Variants in WDR86 observed in about 807,000 individuals in gnomAD.
WDR86 encodes the protein WD repeat domain 86.
A neutral mutation model predicts 36.5 loss-of-function variants in WDR86; 30 were observed. The observed-to-expected ratio is 0.82, with a 90% CI of 0.61 to 1.11. The LOEUF (loss-of-function observed/expected upper bound fraction) is 1.11, where lower values mean the gene tolerates loss of function less well. Among genes scored for constraint, WDR86 ranks in the 50% most tolerant of loss-of-function variants. WDR86 has a pLI of 0.00. For synonymous variants in WDR86, 255 were observed against 252.9 expected, an observed-to-expected ratio of 1.01 and a Z score of -0.08; for missense variants, 545 against 561.2, an observed-to-expected ratio of 0.97 and a Z score of 0.29.
In WDR86 at chr7:151,392,825, C is replaced by G. The variant is rs577119258; in HGVS notation, c.726+2951G>C. On this transcript the variant is annotated intron_variant, in intron 3 of 5. Transcript: ENST00000334493. ...CCTAGTGGTCCTGAGAGGCTCACCT[C>G]CACCTCCCAGAACCTTCTGACCAGT... Among the ~76,000 whole-genome samples, 7 of 152,308 alleles carry G rather than the reference C, an allele frequency of 4.6e-5. No homozygotes were observed. The South Asian group carries it at 1.4e-3, about 32-fold the overall frequency.
At chr7:151,369,610 G>C in the WDR86 span, among the ~76,000 whole-genome samples, 4 of 152,134 alleles carry the variant, frequency 2.6e-5, no homozygotes, top group Non-Finnish European at 5.9e-5. Flanking sequence ...TTAGAATTTT[G>C]GAGTTGGAAG....
chr7:151,391,959 TA>T (rs1799470272), intron 3 of WDR86, among the ~76,000 whole-genome samples: 1 of 152,138 alleles, frequency 6.6e-6, no homozygotes, highest in South Asian at 2.1e-4. Context: ...TGTCACTTAG[TA>T]GTTACCTTAG....
chr7:151,375,806 G>A (rs200617112), downstream of WDR86: 1 of 1,315,992 alleles, frequency 7.6e-7, no homozygotes, highest in African/African-American at 1.4e-5. Context: ...AATGTGTGAA[G>A]AGTTCTTAGT....
intron 3 of WDR86, among the ~76,000 whole-genome samples, chr7:151,385,855 G>C (rs1254652896): frequency 6.6e-6 from 1 of 152,176 alleles, no homozygotes; most frequent in African/African-American, 2.4e-5. Flanking sequence ...CGCCAAGATG[G>C]ACGGGAGTAG....
intron 3 of WDR86, among the ~76,000 whole-genome samples, chr7:151,386,167 G>A (rs540559571): frequency 3.5e-4 from 53 of 152,300 alleles, no homozygotes; most frequent in Non-Finnish European, 5.3e-4. Flanking sequence ...TGGGCCCACC[G>A]GCAGGCAGTC....
At chr7:151,399,859 C>G (rs1435879786) in intron 2 of WDR86, among the ~76,000 whole-genome samples, 1 of 152,234 alleles carries the variant, frequency 6.6e-6, no homozygotes, top group Non-Finnish European at 1.5e-5. Flanking sequence ...GGGGAAGCAT[C>G]AGGCTCTGTT....
At chr7:151,381,094 T>C (rs531883378), downstream of WDR86, 4 of 1,185,728 alleles carry the variant, frequency 3.4e-6, no homozygotes, top group African/African-American at 1.6e-5. This position sits in a 1 kb window ranked among gnomAD's most constrained non-coding sequence, Gnocchi z 4.8. Context: ...GAGACTCAGT[T>C]TGCAAAACAA....
chr7:151,381,793 G>T lies in WDR86; in HGVS notation c.967-47C>A. ...TCACCGGTGACGCGGTAGGCGGGGG[G>T]GACACCGCTGCCCGCGTGGATGGAT... is the stretch of plus-strand genomic sequence containing the variant. On this transcript the variant is annotated intron_variant, in intron 5 of 5. Transcript: ENST00000334493. The surrounding 1 kb of genome is among the most constrained non-coding windows in gnomAD (Gnocchi z 4.8). 6.6e-7 allele frequency: 1 copy of T among 1,506,410 alleles called. No individual in the cohort carries two copies. 93.3% of individuals were successfully genotyped at this position (1,506,410 alleles called of 1,614,324 possible). A position where few individuals can be genotyped will look rare whatever the true frequency, so the allele number is the denominator to read the frequency against.
rs1306978898 is a variant in WDR86 at position 151,397,696 on chromosome 7, T to C, written c.306-1500A>G. On this transcript the variant is annotated intron_variant, in intron 2 of 5. Transcript: ENST00000334493. Reference sequence around the variant, plus strand: ...GAAGAGCATAGCGGGAGGAAGAGGGTGTAGTGGGAGGAAGGGCATAGCGGG... The same window carrying C: ...GAAGAGCATAGCGGGAGGAAGAGGGCGTAGTGGGAGGAAGGGCATAGCGGG... Among the ~76,000 whole-genome samples, 223 of 60,658 alleles carry C rather than the reference T, an allele frequency of 3.7e-3. 3 individuals carry two copies. The highest frequency in any genetic ancestry group is 9.2e-3 in the East Asian group (15 of 1,626). The allele number at this position is 60,658 out of a possible 152,430, so 39.8% of individuals were successfully genotyped here.
intron 3 of WDR86, among the ~76,000 whole-genome samples, chr7:151,386,694 C>T (rs1033322096): frequency 8.1e-4 from 123 of 152,292 alleles, no homozygotes; most frequent in African/African-American, 2.8e-3. Flanking sequence ...CTTCCTGAGC[C>T]TGCCGGGCAC....
Position 151,396,109 on chromosome 7 carries a change from C to G in WDR86, c.393G>C (p.Arg131=). 1 of 1,612,856 alleles carries G rather than the reference C, an allele frequency of 6.2e-7. No individual in the cohort carries two copies. The highest frequency in any genetic ancestry group is 8.5e-7 in the Non-Finnish European group (1 of 1,179,880). ...CGCAGTTGCGGTGGCCCCGGAACTC[C>G]CGGGACATCTGCCCCTTGTCCACAC... ...VWSVDKGQMS[R]EFRGHRNCVL... is the part of the protein sequence containing the mutation. Residue 131 remains arginine (R), a synonymous_variant, in exon 3 of 6, where the codon CGG becomes CGC. Coordinates refer to ENST00000334493, the MANE Select transcript of WDR86 (RefSeq NM_198285.3).
chr7:151,377,355 A>G (rs1798350128), downstream of WDR86: 6 of 623,172 alleles, frequency 9.6e-6, no homozygotes, highest in East Asian at 1.9e-4. Context: ...GGGGGTGGGC[A>G]GGGGACAAGT....
Position 151,409,591 on chromosome 7 carries a change from C to T in WDR86, c.-2G>A. On this transcript the variant is annotated 5_prime_UTR_variant, in exon 1 of 6. Transcript: ENST00000334493. The surrounding 1 kb of genome is among the most constrained non-coding windows in gnomAD (Gnocchi z 5.2). ...CAGGGCCGACCCGCCGCCCCCCATC[C>T]CGCTGGCAGGGCGGGGAACAAGAAG... 7.2e-7 allele frequency: 1 copy of T among 1,382,120 alleles called. No homozygotes were observed. Among genetic ancestry groups the T allele is most frequent in the East Asian group, 2.9e-5 (1 of 34,138 alleles). The allele number at this position is 1,382,120 out of a possible 1,614,324, so 85.6% of individuals were successfully genotyped here.
chr7:151,381,051 G>T, downstream of WDR86: 1 of 940,806 alleles, frequency 1.1e-6, no homozygotes, highest in Non-Finnish European at 1.3e-6. The surrounding 1 kb of genome is among the most constrained non-coding windows in gnomAD (Gnocchi z 4.8). Context: ...CGCCGCCCTG[G>T]GTTCCTGGAA....
At chr7:151,376,776 T>TGTCCCCGCCAGCCAC, downstream of WDR86, 1 of 1,593,060 alleles carries the variant, frequency 6.3e-7, no homozygotes, top group Non-Finnish European at 8.5e-7. Flanking sequence ...GAAGACTCTT[T>TGTCCCCGCCAGCCAC]GTCCCCGCCA....
exon 2 of WDR86, chr7:151,376,069 G>C: frequency 1.4e-6 from 1 of 703,438 alleles, no homozygotes; most frequent in East Asian, 2.6e-5. Flanking sequence ...CAGGCTCCAG[G>C]TGTAACCTGC....
At chr7:151,387,200 G>A (rs1799048105) in intron 3 of WDR86, among the ~76,000 whole-genome samples, 2 of 152,324 alleles carry the variant, frequency 1.3e-5, no homozygotes, top group South Asian at 4.1e-4. Context: ...CAGCTTTGCA[G>A]CCCCACACCT....
At chr7:151,400,340 A>G (rs973684484) in intron 1 of WDR86, 99 bp from the exon 2 acceptor site, 1 of 1,314,900 alleles carries the variant, frequency 7.6e-7, no homozygotes, top group East Asian at 2.8e-5. Flanking sequence ...AGCAGGATGT[A>G]GGGAGTGTTT....
chr7:151,391,727 T>C (rs959313050), intron 3 of WDR86, among the ~76,000 whole-genome samples: 8 of 152,158 alleles, frequency 5.3e-5, no homozygotes, highest in Admixed American at 2.6e-4. Flanking sequence ...CCCAACAGAC[T>C]TCCCAAGGGA....
Sources: allele counts gnomAD v4.1 joint callset (sites outside exome capture counted in the v4.1 genomes callset), GRCh38; gene constraint gnomAD v4.1.1; non-coding constraint Gnocchi (gnomAD v3.1); transcripts MANE v1.5; gene names NCBI Gene and HGNC (gene_info 2026-07-23, HGNC 2026-07-21).